Variants in NRXN3 observed in about 807,000 individuals in gnomAD.
The protein encoded by NRXN3 is neurexin 3.
A neutral mutation model predicts 137.6 loss-of-function variants in NRXN3; 32 were observed. The ratio of observed to expected loss-of-function variants is 0.23; its 90% CI spans 0.18 to 0.31. The LOEUF is 0.31. Among genes scored for constraint, NRXN3 ranks in the 10% least tolerant of loss-of-function variants. NRXN3 has a pLI of 1.00. For synonymous variants in NRXN3, 798 were observed against 784.5 expected, an observed-to-expected ratio of 1.02 and a Z score of -0.29; for missense variants, 1,574 against 2,062.5, an observed-to-expected ratio of 0.76 and a Z score of 4.59.
At chr14:79,814,604 G>T (rs2140915216) in intron 20 of NRXN3, among the ~76,000 whole-genome samples, 1 of 152,208 alleles carries the variant, frequency 6.6e-6, no homozygotes, top group East Asian at 1.9e-4. Flanking sequence ...GATTATTTTT[G>T]GTATGATTAA....
intron 19 of NRXN3, among the ~76,000 whole-genome samples, chr14:79,723,018 G>A (rs550710018): frequency 3.9e-4 from 59 of 152,038 alleles, no homozygotes; most frequent in Admixed American, 1.7e-3. Flanking sequence ...AGTTATTTGT[G>A]TGCATTTATG....
At chr14:78,368,088 G>A (rs1179283524) in intron 4 of NRXN3, among the ~76,000 whole-genome samples, 2 of 152,080 alleles carry the variant, frequency 1.3e-5, no homozygotes, top group African/African-American at 4.8e-5. Context: ...TTTTAGCAAC[G>A]GGAAAGTAAG....
At chr14:78,535,161 A>G (rs576097647) in intron 4 of NRXN3, among the ~76,000 whole-genome samples, 1 of 150,286 alleles carries the variant, frequency 6.7e-6, no homozygotes, top group South Asian at 2.1e-4. Flanking sequence ...AAAGCCTTCC[A>G]TTTCCCTCAG....
intron 20 of NRXN3, among the ~76,000 whole-genome samples, chr14:79,824,847 A>C (rs1372071370): frequency 6.6e-6 from 1 of 152,178 alleles, no homozygotes. Flanking sequence ...AAAATATATA[A>C]ATTTACATAT....
intron 15 of NRXN3, among the ~76,000 whole-genome samples, chr14:79,453,584 A>C (rs533053217): frequency 6.6e-6 from 1 of 152,204 alleles, no homozygotes; most frequent in African/African-American, 2.4e-5. Flanking sequence ...ATCTGAGTGC[A>C]TTCTATGATG....
At chr14:78,825,914 G>A (rs2098965293) in intron 10 of NRXN3, among the ~76,000 whole-genome samples, 1 of 152,344 alleles carries the variant, frequency 6.6e-6, no homozygotes, top group East Asian at 1.9e-4. Context: ...CACAGGGATT[G>A]ACTATTCAGT....
At chr14:79,090,412 A>G (rs1341142332) in intron 15 of NRXN3, among the ~76,000 whole-genome samples, 1 of 152,132 alleles carries the variant, frequency 6.6e-6, no homozygotes, top group Non-Finnish European at 1.5e-5. Flanking sequence ...CATATAAGAT[A>G]AGTTCCCTTT....
chr14:78,242,833 T>C lies in NRXN3; in HGVS notation c.-261T>C. 2.2e-6 allele frequency: 1 copy of C among 446,086 alleles called. No individual in the cohort carries two copies. Among genetic ancestry groups the C allele is most frequent in the Non-Finnish European group, 3.9e-6 (1 of 254,694 alleles). 27.6% of individuals were successfully genotyped at this position (446,086 alleles called of 1,614,324 possible). On this transcript the variant is annotated 5_prime_UTR_variant, in exon 2 of 21. Coordinates refer to ENST00000335750, the MANE Select transcript of NRXN3 (RefSeq NM_001330195.2). ...CCAGTCCCTCACTTCCCCACCTGAT[T>C]TTCCTCCTCTTCTGCTGGTCCTGTC...
chr14:79,784,108 C>G (rs902497041), intron 19 of NRXN3, among the ~76,000 whole-genome samples: 23 of 152,134 alleles, frequency 1.5e-4, no homozygotes, highest in African/African-American at 5.3e-4. Context: ...GAGCCAAAAA[C>G]ATTTCTAACT....
In NRXN3 at chr14:79,749,346, C is replaced by T. The variant is rs193297586; in HGVS notation, c.4014+51409C>T. ...ATGGTGCCTGCTCATAGTGGCAGTG[C>T]TAGATAAATTCATGTCAAACAGGCA... On this transcript the variant is annotated intron_variant, in intron 19 of 20. Coordinates refer to ENST00000335750, the MANE Select transcript of NRXN3 (RefSeq NM_001330195.2). Among the ~76,000 whole-genome samples, 550 of 152,120 alleles carry T rather than the reference C, an allele frequency of 3.6e-3. 4 individuals carry two copies. Among genetic ancestry groups the T allele is most frequent in the African/African-American group, 0.013 (540 of 41,502 alleles).
chr14:79,841,332 G>A (rs548874852), intron 20 of NRXN3, among the ~76,000 whole-genome samples: 9 of 152,180 alleles, frequency 5.9e-5, no homozygotes, highest in Admixed American at 2.6e-4. Flanking sequence ...AGAACTTACC[G>A]GCCCTATAGA....
intron 10 of NRXN3, among the ~76,000 whole-genome samples, chr14:78,917,727 TG>T (rs754909007): frequency 1.1e-3 from 167 of 151,830 alleles, no homozygotes; most frequent in Non-Finnish European, 2.0e-3. Context: ...TAGACAAAAC[TG>T]GGGGAATGAG....
chr14:78,951,093 A>C lies in NRXN3; in HGVS notation c.2276-6149A>C, dbSNP rs554872797. On this transcript the variant is annotated intron_variant, in intron 10 of 20. Transcript: ENST00000335750. The stretch of plus-strand genomic sequence containing the variant: ...TCTAAAATACATCCCAAATTTTACA[A>C]CTTTCATTTCTACTGTCTCCTAGTT... Among the ~76,000 whole-genome samples, 14 of 152,218 alleles carry C rather than the reference A, an allele frequency of 9.2e-5. No homozygotes were observed. The South Asian group carries it at 2.9e-3, about 32-fold the overall frequency.
chr14:78,742,474 T>G (rs544481480), intron 8 of NRXN3, among the ~76,000 whole-genome samples: 1 of 152,248 alleles, frequency 6.6e-6, no homozygotes, highest in South Asian at 2.1e-4. Flanking sequence ...TATCAATTGC[T>G]GCATGTATAT....
chr14:78,486,752 T>G (rs1418541290), intron 4 of NRXN3, among the ~76,000 whole-genome samples: 1 of 152,168 alleles, frequency 6.6e-6, no homozygotes, highest in Non-Finnish European at 1.5e-5. Context: ...TGAACTTTTA[T>G]GGTTTTGTCT....
chr14:79,080,114 A>G (rs1378937676), intron 15 of NRXN3, among the ~76,000 whole-genome samples: 2 of 152,178 alleles, frequency 1.3e-5, no homozygotes, highest in East Asian at 1.9e-4. Flanking sequence ...AATCATTCCC[A>G]TGTGAGACTT....
At chr14:79,650,874 T>C (rs2098472564) in intron 16 of NRXN3, among the ~76,000 whole-genome samples, 1 of 152,126 alleles carries the variant, frequency 6.6e-6, no homozygotes, top group African/African-American at 2.4e-5. Flanking sequence ...AGCCAACTCA[T>C]GGTGGTCCAA....
intron 8 of NRXN3, among the ~76,000 whole-genome samples, chr14:78,764,447 C>A (rs2098702187): frequency 6.6e-6 from 1 of 152,166 alleles, no homozygotes; most frequent in Admixed American, 6.5e-5. Flanking sequence ...ACAACCACAA[C>A]TTCACCCTCA....
chr14:78,960,524 CT>C (rs2099406070), intron 11 of NRXN3, among the ~76,000 whole-genome samples: 1 of 152,070 alleles, frequency 6.6e-6, no homozygotes, highest in South Asian at 2.1e-4. Context: ...ATTCCTCAAC[CT>C]TGTGTTTATC....
Sources: gnomAD v4.1 joint callset for allele counts (sites outside exome capture counted in the v4.1 genomes callset) on GRCh38, gnomAD v4.1.1 for gene constraint, MANE v1.5 for transcripts, NCBI Gene and HGNC (gene_info 2026-07-23, HGNC 2026-07-21) for gene names.